The following DPYD variants were observed in gnomAD, a reference collection of about 807,000 sequenced individuals.
The protein encoded by DPYD is dihydropyrimidine dehydrogenase [NADP(+)].
DPYD carries 109 observed loss-of-function variants against 116.2 expected under a neutral mutation model. The ratio of observed to expected loss-of-function variants is 0.94; its 90% CI spans 0.80 to 1.10. The LOEUF is 1.10. Ranked by LOEUF, DPYD falls within the 50% of genes least tolerant of loss-of-function variation. The pLI is 0.00. For missense variants in DPYD, 1,302 were observed against 1,254.5 expected (o/e 1.04, Z -0.57); for synonymous variants, 440 against 432.0 (o/e 1.02, Z -0.23).
At chr1:97,655,299 A>T (rs1658841420) in intron 8 of DPYD, among the ~76,000 whole-genome samples, 1 of 152,170 alleles carries the variant, frequency 6.6e-6, no homozygotes, top group Non-Finnish European at 1.5e-5. Flanking sequence ...GATTTTTAAA[A>T]TTACTGCACA....
At chr1:97,294,709 T>G (rs1666416685) in intron 18 of DPYD, among the ~76,000 whole-genome samples, 1 of 152,150 alleles carries the variant, frequency 6.6e-6, no homozygotes, top group East Asian at 1.9e-4. Context: ...AGAAATAAAG[T>G]TTTTTATTAC....
rs558339268 is a variant in DPYD, at chr1:97,581,927, AG to A, written c.1129-7958del. Among the ~76,000 whole-genome samples the A allele has an allele frequency of 1.6e-3, 251 of 152,260 alleles. 2 individuals are homozygous for A. Among genetic ancestry groups the A allele is most frequent in the Non-Finnish European group, 2.7e-3 (182 of 68,014 alleles). On this transcript the variant is annotated intron_variant, in intron 10 of 22. Transcript: ENST00000370192. ...AAGGGTAAAGGAGTTTATCTCAAGA[AG>A]AAAAGAAGGAAAGCAGCTTGGTTAA...
At position 97,828,127 on chromosome 1, in the gene DPYD, G is replaced by T. The variant is rs189768576; in HGVS notation, c.220C>A (p.Arg74=). The T allele has an allele frequency of 6.2e-7, 1 of 1,613,536 alleles. No individual in the cohort carries two copies. The highest frequency in any genetic ancestry group is 1.1e-5 in the South Asian group (1 of 91,060). The change falls in exon 3 of 23, where the codon CGA becomes AGA. Residue 74 remains arginine (R), a synonymous_variant. Transcript: ENST00000370192. ...HTTLGERGAL[R]EAMRCLKCAD... ...ACCCAGACTTACCTCATTGCTTCTC[G>T]GAGAGCTCCTCGCTCACCAAGAGTC...
chr1:97,538,614 A>G lies in DPYD; in HGVS notation c.1524+10946T>C, dbSNP rs370840634. Among the ~76,000 whole-genome samples, 7 of 152,350 alleles carry G rather than the reference A, an allele frequency of 4.6e-5. No individual in the cohort carries two copies. The South Asian group carries it at 8.3e-4, about 18-fold the overall frequency. On this transcript the variant is annotated intron_variant, in intron 12 of 22. Coordinates refer to ENST00000370192, the MANE Select transcript of DPYD (RefSeq NM_000110.4). ...CTATGATAGTTCTCATGAACCTAAT[A>G]AACACCTATTTCAAAATATACCCAT...
At chr1:97,864,550 T>A (rs1671278118) in intron 2 of DPYD, among the ~76,000 whole-genome samples, 1 of 151,736 alleles carries the variant, frequency 6.6e-6, no homozygotes, top group Admixed American at 6.6e-5. Context: ...CCCCCACACC[T>A]CTGTAGATAA....
intron 18 of DPYD, among the ~76,000 whole-genome samples, chr1:97,288,940 C>A (rs1391763865): frequency 3.3e-5 from 5 of 151,624 alleles, no homozygotes; most frequent in Non-Finnish European, 7.4e-5. Flanking sequence ...AGACTGCTAG[C>A]AAGACTAATA....
chr1:97,544,351 C>A (rs1045376601), intron 12 of DPYD, among the ~76,000 whole-genome samples: 1 of 152,090 alleles, frequency 6.6e-6, no homozygotes, highest in Non-Finnish European at 1.5e-5. Flanking sequence ...AGATTTTTAC[C>A]TACCTTCCAT....
intron 13 of DPYD, among the ~76,000 whole-genome samples, chr1:97,495,656 T>C (rs182416158): frequency 6.6e-6 from 1 of 152,120 alleles, no homozygotes; most frequent in Admixed American, 6.5e-5. Context: ...TCATTATCAT[T>C]ATTATTAAGA....
chr1:97,294,380 T>G (rs1570451113), intron 18 of DPYD, among the ~76,000 whole-genome samples: 1 of 151,936 alleles, frequency 6.6e-6, no homozygotes, highest in Non-Finnish European at 1.5e-5. Flanking sequence ...CAGAAAGGAC[T>G]TAGTATAGGT....
chr1:97,828,317 A>C (rs1488229237), intron 2 of DPYD, 121 bp from the exon 3 acceptor site: 2 of 816,218 alleles, frequency 2.5e-6, no homozygotes, highest in Non-Finnish European at 4.0e-6. Context: ...TATGCATACC[A>C]CTTTAATTGG....
At chr1:97,291,882 A>G (rs1357273145) in intron 18 of DPYD, among the ~76,000 whole-genome samples, 1 of 152,102 alleles carries the variant, frequency 6.6e-6, no homozygotes, top group Non-Finnish European at 1.5e-5. Flanking sequence ...AAATTCCTAT[A>G]TTTGAATTAC....
At chr1:97,160,584 C>T (rs1655817462) in intron 20 of DPYD, among the ~76,000 whole-genome samples, 1 of 152,026 alleles carries the variant, frequency 6.6e-6, no homozygotes, top group Non-Finnish European at 1.5e-5. Context: ...CTGCTATTAG[C>T]CCCCCTCTAG....
At chr1:97,215,318 C>T (rs559944773) in intron 19 of DPYD, among the ~76,000 whole-genome samples, 4 of 152,280 alleles carry the variant, frequency 2.6e-5, no homozygotes, top group African/African-American at 9.6e-5. Flanking sequence ...TGGGTTGAAG[C>T]ATTCATGAAT....
At chr1:97,390,002 A>C (rs532636072) in intron 14 of DPYD, among the ~76,000 whole-genome samples, 1 of 152,224 alleles carries the variant, frequency 6.6e-6, no homozygotes, top group South Asian at 2.1e-4. Context: ...TATTTTATTA[A>C]GTAGCTTTTA....
intron 4 of DPYD, among the ~76,000 whole-genome samples, chr1:97,724,953 A>AG (rs1663152036): frequency 8.4e-6 from 1 of 118,826 alleles, no homozygotes; most frequent in Non-Finnish European, 1.7e-5. Flanking sequence ...GAGGGAAGGA[A>AG]AGAGAGAGAG....
At chr1:97,898,779 C>T (rs1673209288) in intron 1 of DPYD, among the ~76,000 whole-genome samples, 2 of 151,824 alleles carry the variant, frequency 1.3e-5, no homozygotes, top group Admixed American at 6.6e-5. Flanking sequence ...GTAGTGAATA[C>T]GTCTCATGAG....
intron 7 of DPYD, among the ~76,000 whole-genome samples, chr1:97,684,449 A>G (rs1193689661): frequency 6.6e-6 from 1 of 152,098 alleles, no homozygotes; most frequent in African/African-American, 2.4e-5. Flanking sequence ...TTTACTTCCA[A>G]TTATGTGATC....
chr1:97,635,980 C>T (rs1229872051), intron 8 of DPYD, among the ~76,000 whole-genome samples: 1 of 151,988 alleles, frequency 6.6e-6, no homozygotes, highest in Non-Finnish European at 1.5e-5. Flanking sequence ...TCACCATGCC[C>T]AGCTAAGTTT....
rs34390188 is a variant in DPYD, at chr1:97,767,755, C to CTTTTT, written c.234-27281_234-27277dup. Among the ~76,000 whole-genome samples, 51 of 112,432 alleles carry CTTTTT rather than the reference C, an allele frequency of 4.5e-4. 1 individual carries two copies. Among genetic ancestry groups the CTTTTT allele is most frequent in the South Asian group, 6.0e-4 (2 of 3,350 alleles). The allele number at this position is 112,432 out of a possible 152,430, so 73.8% of individuals were successfully genotyped here. ...TTGAAGCCACTGAGTTTGGGGCTGGCTTTTTTTTTTTTTTTTTTTTGCAGC... is the reference window on the plus strand; with the variant it reads ...TTGAAGCCACTGAGTTTGGGGCTGGCTTTTTTTTTTTTTTTTTTTTTTTTTGCAGC... On this transcript the variant is annotated intron_variant, in intron 3 of 22. Coordinates refer to ENST00000370192, the MANE Select transcript of DPYD (RefSeq NM_000110.4).
Sources: allele counts gnomAD v4.1 joint callset (sites outside exome capture counted in the v4.1 genomes callset), GRCh38; gene constraint gnomAD v4.1.1; transcripts MANE v1.5; gene names NCBI Gene and HGNC (gene_info 2026-07-23, HGNC 2026-07-21).